The following SFN variants were observed in gnomAD, a reference collection of about 807,000 sequenced individuals.
SFN encodes 14-3-3 protein sigma.
A neutral mutation model predicts 19.1 loss-of-function variants in SFN; 5 were observed. That is an observed-to-expected ratio of 0.26 (90% CI 0.14 to 0.55). SFN has a LOEUF of 0.55. Ranked by LOEUF, SFN falls within the 20% of genes least tolerant of loss-of-function variation. The pLI is 0.94. For missense variants in SFN, 287 were observed against 330.0 expected (o/e 0.87, Z 1.01); for synonymous variants, 130 against 140.9 (o/e 0.92, Z 0.55).
Position 26,863,444 on chromosome 1 carries a change from G to C in SFN, c.232G>C (p.Gly78Arg), listed in dbSNP as rs780294710. The C allele has an allele frequency of 6.2e-7, 1 of 1,614,138 alleles. No homozygotes were observed. Among genetic ancestry groups the C allele is most frequent in the Non-Finnish European group, 8.5e-7 (1 of 1,180,014 alleles). ...CAACGAGGAGGGCTCGGAGGAGAAGGGGCCCGAGGTGCGTGAGTACCGGGA... is the reference window on the plus strand; with the variant it reads ...CAACGAGGAGGGCTCGGAGGAGAAGCGGCCCGAGGTGCGTGAGTACCGGGA... ...KSNEEGSEEK[G>R]PEVREYREKV... Residue 78 changes from glycine (G) to arginine (R), a missense_variant, in exon 1 of 1, where the codon GGG becomes CGG. Transcript: ENST00000339276. This position sits in a 1 kb window ranked among gnomAD's most constrained non-coding sequence, Gnocchi z 7.4.
In SFN at chr1:26,863,927, G is replaced by C. The variant is rs915043131; in HGVS notation, c.715G>C (p.Gly239Arg). The C allele has an allele frequency of 1.9e-6, 3 of 1,613,390 alleles. No individual in the cohort carries two copies. Among genetic ancestry groups the C allele is most frequent in the African/African-American group, 2.7e-5 (2 of 74,912 alleles). ...LWTADNAGEE[G>R]GEAPQEPQS ...GACGGCCGACAACGCCGGGGAAGAGGGGGGCGAGGCTCCCCAGGAGCCCCA... is the reference window on the plus strand; with the variant it reads ...GACGGCCGACAACGCCGGGGAAGAGCGGGGCGAGGCTCCCCAGGAGCCCCA... The change falls in exon 1 of 1, where the codon GGG (glycine) becomes CGG (arginine). Residue 239 changes from glycine (G) to arginine (R), a missense_variant. By Grantham distance (125) the Gly-to-Arg change is moderately radical. Coordinates refer to ENST00000339276, the MANE Select transcript of SFN (RefSeq NM_006142.5). The surrounding 1 kb of genome is among the most constrained non-coding windows in gnomAD (Gnocchi z 7.4).
rs768871191 is a variant in SFN, at chr1:26,863,566, C to T, written c.354C>T (p.Val118=). 6.2e-7 allele frequency: 1 copy of T among 1,614,054 alleles called. No homozygotes were observed. Among genetic ancestry groups the T allele is most frequent in the South Asian group, 1.1e-5 (1 of 91,076 alleles). Residue 118 remains valine (V), a synonymous_variant, in exon 1 of 1, where the codon GTC becomes GTT. Coordinates refer to ENST00000339276, the MANE Select transcript of SFN (RefSeq NM_006142.5). This position sits in a 1 kb window ranked among gnomAD's most constrained non-coding sequence, Gnocchi z 7.4. ...AGGCCGGGGACGCCGAGAGCCGGGT[C>T]TTCTACCTGAAGATGAAGGGTGACT... The part of the protein sequence containing the change: ...IKEAGDAESR[V]FYLKMKGDYY...
chr1:26,864,169 C>CA lies in SFN; in HGVS notation c.*210_*211insA. 1 of 578,514 alleles carries CA rather than the reference C, an allele frequency of 1.7e-6. No homozygotes were observed. The highest frequency in any genetic ancestry group is 3.1e-6 in the Non-Finnish European group (1 of 318,470). The allele number at this position is 578,514 out of a possible 1,614,324, so 35.8% of individuals were successfully genotyped here. A position where few individuals can be genotyped will look rare whatever the true frequency, so the allele number is the denominator to read the frequency against. On this transcript the variant is annotated 3_prime_UTR_variant, in exon 1 of 1. Coordinates refer to ENST00000339276, the MANE Select transcript of SFN (RefSeq NM_006142.5). The surrounding 1 kb of genome is among the most constrained non-coding windows in gnomAD (Gnocchi z 5.2). The stretch of plus-strand genomic sequence containing the variant: ...TGAGCGCACCTAACCACTGGTCATG[C>CA]CCCCACCCCTGCTCTCCGCACCCGC...
chr1:26,863,165 G>C lies in SFN; in HGVS notation c.-48G>C. The C allele has an allele frequency of 6.2e-7, 1 of 1,603,810 alleles. No individual in the cohort carries two copies. The highest frequency in any genetic ancestry group is 1.1e-5 in the South Asian group (1 of 89,632). On this transcript the variant is annotated 5_prime_UTR_variant, in exon 1 of 1. Coordinates refer to ENST00000339276, the MANE Select transcript of SFN (RefSeq NM_006142.5). The surrounding 1 kb of genome is among the most constrained non-coding windows in gnomAD (Gnocchi z 7.4). ...AGGAGAGACACAGAGTCCGGCATTG[G>C]TCCCAGGCAGCAGTTAGCCCGCCGC...
chr1:26,863,526 G>C lies in SFN; in HGVS notation c.314G>C (p.Ser105Thr). ...GACACCGTGCTGGGCCTGCTGGACA[G>C]CCACCTCATCAAGGAGGCCGGGGAC... ...VCDTVLGLLD[S>T]HLIKEAGDAE... The change falls in exon 1 of 1, where the codon AGC (serine) becomes ACC (threonine). Residue 105 changes from serine (S) to threonine (T), a missense_variant. Transcript: ENST00000339276. The surrounding 1 kb of genome is among the most constrained non-coding windows in gnomAD (Gnocchi z 7.4). The C allele has an allele frequency of 6.2e-7, 1 of 1,613,982 alleles. No homozygotes were observed. The highest frequency in any genetic ancestry group is 8.5e-7 in the Non-Finnish European group (1 of 1,179,956).
At position 26,863,442 on chromosome 1, in the gene SFN, A is replaced by G; in HGVS notation, c.230A>G (p.Lys77Arg). 6.2e-7 allele frequency: 1 copy of G among 1,614,084 alleles called. No homozygotes were observed. Among genetic ancestry groups the G allele is most frequent in the Non-Finnish European group, 8.5e-7 (1 of 1,180,012 alleles). ...AGCAACGAGGAGGGCTCGGAGGAGA[A>G]GGGGCCCGAGGTGCGTGAGTACCGG... The part of the protein sequence containing the change: ...QKSNEEGSEE[K>R]GPEVREYREK... The change falls in exon 1 of 1, where the codon AAG (lysine) becomes AGG (arginine). Residue 77 changes from lysine to arginine, a missense_variant. By Grantham distance (26) the Lys-to-Arg change is conservative. Transcript: ENST00000339276. The surrounding 1 kb of genome is among the most constrained non-coding windows in gnomAD (Gnocchi z 7.4).
In SFN at chr1:26,863,479, G is replaced by A; in HGVS notation, c.267G>A (p.Glu89=). 6.2e-7 allele frequency: 1 copy of A among 1,614,138 alleles called. No individual in the cohort carries two copies. The highest frequency in any genetic ancestry group is 8.5e-7 in the Non-Finnish European group (1 of 1,180,012). The change falls in exon 1 of 1, where the codon GAG becomes GAA. Residue 89 remains glutamate (E), a synonymous_variant. Coordinates refer to ENST00000339276, the MANE Select transcript of SFN (RefSeq NM_006142.5). The surrounding 1 kb of genome is among the most constrained non-coding windows in gnomAD (Gnocchi z 7.4). The stretch of plus-strand genomic sequence containing the variant: ...TGCGTGAGTACCGGGAGAAGGTGGA[G>A]ACTGAGCTCCAGGGCGTGTGCGACA... ...PEVREYREKV[E]TELQGVCDTV...
In SFN at chr1:26,863,265, G is replaced by A. The variant is rs768668023; in HGVS notation, c.53G>A (p.Arg18His). ...GCCAAGCTGGCAGAGCAGGCCGAAC[G>A]CTATGAGGACATGGCAGCCTTCATG... ...QKAKLAEQAERYEDMAAFMKG... is the reference protein window; with the variant it reads ...QKAKLAEQAEHYEDMAAFMKG... Residue 18 changes from arginine (R) to histidine (H), a missense_variant, in exon 1 of 1, where the codon CGC (arginine) becomes CAC (histidine). Arg to His is a conservative substitution (Grantham distance 29, BLOSUM62 0). Coordinates refer to ENST00000339276, the MANE Select transcript of SFN (RefSeq NM_006142.5). The surrounding 1 kb of genome is among the most constrained non-coding windows in gnomAD (Gnocchi z 7.4). The A allele has an allele frequency of 2.4e-5, 39 of 1,614,112 alleles. No homozygotes were observed. The highest frequency in any genetic ancestry group is 2.2e-5 in the East Asian group (1 of 44,902).
chr1:26,863,220 G>A lies in SFN; in HGVS notation c.8G>A (p.Arg3Lys), dbSNP rs1425894772. 6.2e-7 allele frequency: 1 copy of A among 1,613,974 alleles called. No homozygotes were observed. The highest frequency in any genetic ancestry group is 1.3e-5 in the African/African-American group (1 of 74,958). Residue 3 changes from arginine to lysine, a missense_variant, in exon 1 of 1, where the codon AGA becomes AAA. Coordinates refer to ENST00000339276, the MANE Select transcript of SFN (RefSeq NM_006142.5). This position sits in a 1 kb window ranked among gnomAD's most constrained non-coding sequence, Gnocchi z 7.4. MERASLIQKAKLA... is the reference protein window; with the variant it reads MEKASLIQKAKLA... ...CTGTGTGTCCCCAGAGCCATGGAGA[G>A]AGCCAGTCTGATCCAGAAGGCCAAG...
chr1:26,864,358 TGTGTGTGC>T lies in SFN; in HGVS notation c.*401_*408del. 1 of 214,098 alleles carries T rather than the reference TGTGTGTGC, an allele frequency of 4.7e-6. No homozygotes were observed. Among genetic ancestry groups the T allele is most frequent in the Non-Finnish European group, 1.0e-5 (1 of 98,426 alleles). 13.3% of individuals were successfully genotyped at this position (214,098 alleles called of 1,614,324 possible). A position where few individuals can be genotyped will look rare whatever the true frequency, so the allele number is the denominator to read the frequency against. Reference sequence around the variant, plus strand: ...GTGTGTGTGTGTGTGTGTGTGTGTGTGTGTGTGCGCGCGCGCCAGTGCAAGACCGAGAT... The same window carrying T: ...GTGTGTGTGTGTGTGTGTGTGTGTGTGCGCGCGCCAGTGCAAGACCGAGAT... On this transcript the variant is annotated 3_prime_UTR_variant, in exon 1 of 1. Coordinates refer to ENST00000339276, the MANE Select transcript of SFN (RefSeq NM_006142.5). This position sits in a 1 kb window ranked among gnomAD's most constrained non-coding sequence, Gnocchi z 5.2.
chr1:26,864,041 C>G lies in SFN; in HGVS notation c.*82C>G. The G allele has an allele frequency of 8.2e-7, 1 of 1,221,064 alleles. No individual in the cohort carries two copies. Among genetic ancestry groups the G allele is most frequent in the Non-Finnish European group, 1.1e-6 (1 of 886,494 alleles). 75.6% of individuals were successfully genotyped at this position (1,221,064 alleles called of 1,614,324 possible). The stretch of plus-strand genomic sequence containing the variant: ...ACTAGTATGGGGTGGGAGGCCCCAC[C>G]CTTCTCCCCTAGGCGCTGTTCTTGC... On this transcript the variant is annotated 3_prime_UTR_variant, in exon 1 of 1. Coordinates refer to ENST00000339276, the MANE Select transcript of SFN (RefSeq NM_006142.5). This position sits in a 1 kb window ranked among gnomAD's most constrained non-coding sequence, Gnocchi z 5.2.
In SFN at chr1:26,863,592, A is replaced by G; in HGVS notation, c.380A>G (p.Tyr127Cys). Residue 127 changes from tyrosine to cysteine, a missense_variant, in exon 1 of 1, where the codon TAC becomes TGC. Physicochemically the swap from Tyr to Cys is radical, Grantham distance 194. Coordinates refer to ENST00000339276, the MANE Select transcript of SFN (RefSeq NM_006142.5). The surrounding 1 kb of genome is among the most constrained non-coding windows in gnomAD (Gnocchi z 7.4). ...RVFYLKMKGD[Y>C]YRYLAEVATG... ...TTCTACCTGAAGATGAAGGGTGACTACTACCGCTACCTGGCCGAGGTGGCC... is the reference window on the plus strand; with the variant it reads ...TTCTACCTGAAGATGAAGGGTGACTGCTACCGCTACCTGGCCGAGGTGGCC... 1 of 1,614,066 alleles carries G rather than the reference A, an allele frequency of 6.2e-7. No homozygotes were observed. Among genetic ancestry groups the G allele is most frequent in the Non-Finnish European group, 8.5e-7 (1 of 1,179,998 alleles).
rs538002210 is a variant in SFN, at chr1:26,864,048, C to T, written c.*89C>T. On this transcript the variant is annotated 3_prime_UTR_variant, in exon 1 of 1. Transcript: ENST00000339276. The surrounding 1 kb of genome is among the most constrained non-coding windows in gnomAD (Gnocchi z 5.2). ...TGGGGTGGGAGGCCCCACCCTTCTC[C>T]CCTAGGCGCTGTTCTTGCTCCAAAG... 3.3e-5 allele frequency: 39 copies of T among 1,177,192 alleles called. No homozygotes were observed. The South Asian group carries it at 6.1e-4, about 18-fold the overall frequency. The allele number at this position is 1,177,192 out of a possible 1,614,324, so 72.9% of individuals were successfully genotyped here.
Position 26,863,941 on chromosome 1 carries a change from C to T in SFN, c.729C>T (p.Pro243=). The change falls in exon 1 of 1, where the codon CCC becomes CCT. Residue 243 remains proline, a synonymous_variant. Transcript: ENST00000339276. The surrounding 1 kb of genome is among the most constrained non-coding windows in gnomAD (Gnocchi z 7.4). ...CCGGGGAAGAGGGGGGCGAGGCTCC[C>T]CAGGAGCCCCAGAGCTGAGTGTTGC... ...DNAGEEGGEA[P]QEPQS is the part of the protein sequence containing the mutation. 1.2e-6 allele frequency: 2 copies of T among 1,611,284 alleles called. No homozygotes were observed. The highest frequency in any genetic ancestry group is 1.7e-6 in the Non-Finnish European group (2 of 1,178,650).
rs2081774096 is a variant in SFN at position 26,864,030 on chromosome 1, G to T, written c.*71G>T. On this transcript the variant is annotated 3_prime_UTR_variant, in exon 1 of 1. Transcript: ENST00000339276. The surrounding 1 kb of genome is among the most constrained non-coding windows in gnomAD (Gnocchi z 5.2). Reference sequence around the variant, plus strand: ...CTGCCGAGAGGACTAGTATGGGGTGGGAGGCCCCACCCTTCTCCCCTAGGC... The same window carrying T: ...CTGCCGAGAGGACTAGTATGGGGTGTGAGGCCCCACCCTTCTCCCCTAGGC... 1 of 1,321,512 alleles carries T rather than the reference G, an allele frequency of 7.6e-7. No homozygotes were observed. The highest frequency in any genetic ancestry group is 1.5e-5 in the African/African-American group (1 of 67,744). The allele number at this position is 1,321,512 out of a possible 1,614,324, so 81.9% of individuals were successfully genotyped here.
At position 26,863,185 on chromosome 1, in the gene SFN, C is replaced by A. The variant is rs374076427; in HGVS notation, c.-28C>A. 6.2e-7 allele frequency: 1 copy of A among 1,609,770 alleles called. No individual in the cohort carries two copies. Among genetic ancestry groups the A allele is most frequent in the South Asian group, 1.1e-5 (1 of 90,596 alleles). On this transcript the variant is annotated 5_prime_UTR_variant, in exon 1 of 1. Coordinates refer to ENST00000339276, the MANE Select transcript of SFN (RefSeq NM_006142.5). The surrounding 1 kb of genome is among the most constrained non-coding windows in gnomAD (Gnocchi z 7.4). ...CATTGGTCCCAGGCAGCAGTTAGCC[C>A]GCCGCCCGCCTGTGTGTCCCCAGAG...
chr1:26,863,549 G>A lies in SFN; in HGVS notation c.337G>A (p.Asp113Asn), dbSNP rs756892225. ...CAGCCACCTCATCAAGGAGGCCGGG[G>A]ACGCCGAGAGCCGGGTCTTCTACCT... ...LDSHLIKEAG[D>N]AESRVFYLKM... Residue 113 changes from aspartate to asparagine, a missense_variant, in exon 1 of 1, where the codon GAC (aspartate) becomes AAC (asparagine). Transcript: ENST00000339276. This position sits in a 1 kb window ranked among gnomAD's most constrained non-coding sequence, Gnocchi z 7.4. The A allele has an allele frequency of 2.9e-5, 47 of 1,613,906 alleles. No homozygotes were observed. Among genetic ancestry groups the A allele is most frequent in the Non-Finnish European group, 8.5e-7 (1 of 1,179,972 alleles).
At position 26,863,983 on chromosome 1, in the gene SFN, C is replaced by T. The variant is rs2081773541; in HGVS notation, c.*24C>T. ...GAGTGTTGCCCGCCACCGCCCCGCC[C>T]TGCCCCCTCCAGTCCCCCACCCTGC... On this transcript the variant is annotated 3_prime_UTR_variant, in exon 1 of 1. Coordinates refer to ENST00000339276, the MANE Select transcript of SFN (RefSeq NM_006142.5). This position sits in a 1 kb window ranked among gnomAD's most constrained non-coding sequence, Gnocchi z 7.4. 2 of 1,559,452 alleles carry T rather than the reference C, an allele frequency of 1.3e-6. No individual in the cohort carries two copies. The highest frequency in any genetic ancestry group is 1.7e-6 in the Non-Finnish European group (2 of 1,151,590).
rs1396145415 is a variant in SFN, at chr1:26,863,296, C to T, written c.84C>T (p.Gly28=). The T allele has an allele frequency of 6.2e-7, 1 of 1,614,224 alleles. No individual in the cohort carries two copies. Among genetic ancestry groups the T allele is most frequent in the South Asian group, 1.1e-5 (1 of 91,090 alleles). Residue 28 remains glycine (G), a synonymous_variant, in exon 1 of 1, where the codon GGC becomes GGT. Transcript: ENST00000339276. The surrounding 1 kb of genome is among the most constrained non-coding windows in gnomAD (Gnocchi z 7.4). Reference sequence around the variant, plus strand: ...AGGACATGGCAGCCTTCATGAAAGGCGCCGTGGAGAAGGGCGAGGAGCTCT... The same window carrying T: ...AGGACATGGCAGCCTTCATGAAAGGTGCCGTGGAGAAGGGCGAGGAGCTCT... ...RYEDMAAFMK[G]AVEKGEELSC... is the part of the protein sequence containing the mutation.
Sources: gnomAD v4.1 joint callset for allele counts on GRCh38, gnomAD v4.1.1 for gene constraint, Gnocchi (gnomAD v3.1) non-coding constraint, MANE v1.5 for transcripts, NCBI Gene and HGNC (gene_info 2026-07-23, HGNC 2026-07-21) for gene names.